PTPRQ: variants seen among roughly 807,000 people sequenced by gnomAD.
The protein encoded by PTPRQ is phosphatidylinositol phosphatase PTPRQ.
Under a neutral mutation model 246.0 loss-of-function variants are expected in PTPRQ, and 199 were observed. The observed-to-expected ratio is 0.81, with a 90% CI of 0.72 to 0.91. PTPRQ has a LOEUF of 0.91. Ranked by LOEUF, PTPRQ falls within the 40% of genes least tolerant of loss-of-function variation. PTPRQ has a pLI of 0.00. For missense variants in PTPRQ, 2,624 were observed against 2,528.4 expected (o/e 1.04, Z -0.81); for synonymous variants, 869 against 853.2 (o/e 1.02, Z -0.32).
At chr12:80,661,514 C>T (rs1361546194) in intron 39 of PTPRQ, among the ~76,000 whole-genome samples, 1 of 151,106 alleles carries the variant, frequency 6.6e-6, no homozygotes, top group East Asian at 2.0e-4. Flanking sequence ...TAAACATATA[C>T]ATATATGTGT....
chr12:80,660,379 A>G (rs892306094), intron 39 of PTPRQ, among the ~76,000 whole-genome samples: 2 of 151,902 alleles, frequency 1.3e-5, no homozygotes, highest in Admixed American at 6.6e-5. Context: ...GCCGTTGGCC[A>G]TTCTCGAGAA....
At chr12:80,579,342 T>A (rs2120987626) in intron 25 of PTPRQ, among the ~76,000 whole-genome samples, 1 of 152,294 alleles carries the variant, frequency 6.6e-6, no homozygotes, top group South Asian at 2.1e-4. Context: ...TATGACTGCC[T>A]TACACTATTT....
intron 33 of PTPRQ, among the ~76,000 whole-genome samples, chr12:80,627,152 G>A (rs903371456): frequency 6.6e-6 from 1 of 151,860 alleles, no homozygotes; most frequent in Non-Finnish European, 1.5e-5. Context: ...ATTGAATCAA[G>A]TTAATTAACA....
intron 7 of PTPRQ, among the ~76,000 whole-genome samples, chr12:80,469,136 C>A (rs1400024073): frequency 6.6e-6 from 1 of 152,086 alleles, no homozygotes; most frequent in Non-Finnish European, 1.5e-5. Flanking sequence ...AATATTTGAA[C>A]AAGAAGTCCT....
chr12:80,623,035 T>C (rs1469264184), intron 33 of PTPRQ, among the ~76,000 whole-genome samples: 1 of 152,092 alleles, frequency 6.6e-6, no homozygotes, highest in Non-Finnish European at 1.5e-5. Context: ...TTATTCGTCT[T>C]AAAGAATTGC....
chr12:80,450,857 T>C (rs1369139173), intron 3 of PTPRQ, among the ~76,000 whole-genome samples: 1 of 152,244 alleles, frequency 6.6e-6, no homozygotes, highest in East Asian at 1.9e-4. Context: ...GTTGTGTCTC[T>C]GCCTGGCTTT....
At chr12:80,551,324 T>C (rs1478890278) in intron 25 of PTPRQ, among the ~76,000 whole-genome samples, 1 of 152,090 alleles carries the variant, frequency 6.6e-6, no homozygotes, top group Non-Finnish European at 1.5e-5. Context: ...TACAATCAGG[T>C]CTTATCAATT....
At chr12:80,520,714 T>C (rs914442316) in intron 17 of PTPRQ, among the ~76,000 whole-genome samples, 26 of 152,120 alleles carry the variant, frequency 1.7e-4, no homozygotes, top group African/African-American at 5.8e-4. Flanking sequence ...GGCTGCATAG[T>C]ATTCCGTGGT....
chr12:80,608,428 C>A (rs931446921), intron 27 of PTPRQ, among the ~76,000 whole-genome samples: 1 of 149,940 alleles, frequency 6.7e-6, no homozygotes, highest in Non-Finnish European at 1.5e-5. Context: ...ATTTGAGGAC[C>A]GAGAATTCCT....
At chr12:80,592,026 C>T (rs947993069) in intron 26 of PTPRQ, among the ~76,000 whole-genome samples, 1 of 152,104 alleles carries the variant, frequency 6.6e-6, no homozygotes, top group African/African-American at 2.4e-5. Flanking sequence ...CTAAATAATC[C>T]TACATTCTCA....
At chr12:80,448,722 G>A (rs1427367496) in intron 3 of PTPRQ, among the ~76,000 whole-genome samples, 2 of 149,232 alleles carry the variant, frequency 1.3e-5, no homozygotes, top group African/African-American at 2.5e-5. Context: ...TTTTATGGCT[G>A]CATAGTATTC....
rs1301065310 is a variant in PTPRQ at position 80,669,396 on chromosome 12, A to G, written c.6385A>G (p.Ile2129Val). 4 of 1,549,702 alleles carry G rather than the reference A, an allele frequency of 2.6e-6. No individual in the cohort carries two copies. The highest frequency in any genetic ancestry group is 3.5e-6 in the Non-Finnish European group (4 of 1,145,920). The change falls in exon 41 of 45, where the codon ATA becomes GTA. Residue 2129 changes from isoleucine to valine, a missense_variant. Ile to Val is a conservative substitution (Grantham distance 29). Transcript: ENST00000644991. The part of the protein sequence containing the change: ...DNKPVTVFGD[I>V]VITKLMEDVQ... ...CAAGCCAGTTACTGTCTTTGGAGAT[A>G]TAGTGATTACAAAGCTAATGGAGGA... is the stretch of plus-strand genomic sequence containing the variant.
At chr12:80,629,782 T>C (rs1445716764) in intron 33 of PTPRQ, among the ~76,000 whole-genome samples, 2 of 152,194 alleles carry the variant, frequency 1.3e-5, no homozygotes, top group African/African-American at 4.8e-5. Flanking sequence ...GCTAAGTTTT[T>C]AATTCATGCA....
chr12:80,609,358 A>G (rs1435995867), intron 27 of PTPRQ, among the ~76,000 whole-genome samples: 1 of 150,604 alleles, frequency 6.6e-6, no homozygotes, highest in East Asian at 1.9e-4. Flanking sequence ...CCAACCAAAC[A>G]AAAAATATTT....
chr12:80,572,319 G>T (rs1299780047), intron 25 of PTPRQ, among the ~76,000 whole-genome samples: 5 of 151,820 alleles, frequency 3.3e-5, no homozygotes, highest in Non-Finnish European at 2.9e-5. Flanking sequence ...TTAGTTTGAT[G>T]CAAAATACAG....
intron 23 of PTPRQ, among the ~76,000 whole-genome samples, chr12:80,545,360 T>C (rs932346654): frequency 2.0e-5 from 3 of 152,146 alleles, no homozygotes; most frequent in Admixed American, 2.0e-4. Flanking sequence ...AATAGGATTC[T>C]AATTGTAAAT....
In PTPRQ at chr12:80,531,743, C is replaced by G. The variant is rs189299428; in HGVS notation, c.2679-2272C>G. Among the ~76,000 whole-genome samples the G allele has an allele frequency of 1.8e-3, 281 of 152,226 alleles. 1 individual carries two copies. The Middle Eastern group carries it at 0.027, about 15-fold the overall frequency. ...TATTCATGCTACCCTATTTTTCTAA[C>G]TTATTTATTAAAATATCAGCCACAA... On this transcript the variant is annotated intron_variant, in intron 17 of 44. Coordinates refer to ENST00000644991, the MANE Select transcript of PTPRQ (RefSeq NM_001145026.2).
At chr12:80,479,385 A>T (rs957671145) in intron 8 of PTPRQ, among the ~76,000 whole-genome samples, 1 of 152,080 alleles carries the variant, frequency 6.6e-6, no homozygotes, top group African/African-American at 2.4e-5. Context: ...AGCACTAAAC[A>T]TGGAAAGGAA....
chr12:80,648,005 C>G (rs1370800976), intron 35 of PTPRQ, among the ~76,000 whole-genome samples: 1 of 152,054 alleles, frequency 6.6e-6, no homozygotes, highest in Admixed American at 6.6e-5. Context: ...CCTTTTAAAT[C>G]CTGTTTTCTT....
Sources: allele counts gnomAD v4.1 joint callset (sites outside exome capture counted in the v4.1 genomes callset), GRCh38; gene constraint gnomAD v4.1.1; transcripts MANE v1.5; gene names NCBI Gene and HGNC (gene_info 2026-07-23, HGNC 2026-07-21).